The following WWTR1 variants were observed in gnomAD, a reference collection of about 807,000 sequenced individuals.
WWTR1 encodes the protein WW domain containing transcription regulator 1, also known as WW domain-containing transcription regulator protein 1.
Under a neutral mutation model 40.1 loss-of-function variants are expected in WWTR1, and 13 were observed. The ratio of observed to expected loss-of-function variants is 0.32; its 90% confidence interval spans 0.21 to 0.52. The LOEUF is 0.52. Among genes scored for constraint, WWTR1 ranks in the 20% least tolerant of loss-of-function variants. WWTR1 has a pLI of 0.97. For missense variants in WWTR1, 436 were observed against 523.1 expected, an observed-to-expected ratio of 0.83 and a Z score of 1.63; for synonymous variants, 230 against 210.1, an observed-to-expected ratio of 1.09 and a Z score of -0.82.
chr3:149,695,076 G>T (rs1714941797), intron 1 of WWTR1, among the ~76,000 whole-genome samples: 1 of 152,188 alleles, frequency 6.6e-6, no homozygotes, highest in East Asian at 1.9e-4. Flanking sequence ...AACTTTGCAT[G>T]TTCTCAATCA....
chr3:149,556,022 A>T (rs1301769752), intron 3 of WWTR1, among the ~76,000 whole-genome samples: 2 of 152,216 alleles, frequency 1.3e-5, no homozygotes, highest in Non-Finnish European at 2.9e-5. Context: ...TAAGGTGGAA[A>T]CTGTGAGCTT....
At chr3:149,699,292 C>CTTTTTTTT (rs35576449) in intron 1 of WWTR1, among the ~76,000 whole-genome samples, 1 of 131,748 alleles carries the variant, frequency 7.6e-6, no homozygotes. Flanking sequence ...GGTCATCATT[C>CTTTTTTTT]TTTTTTTTTT....
At chr3:149,614,442 A>C (rs1480967147) in intron 2 of WWTR1, among the ~76,000 whole-genome samples, 1 of 152,192 alleles carries the variant, frequency 6.6e-6, no homozygotes, top group Non-Finnish European at 1.5e-5. Flanking sequence ...TATGTGTAGT[A>C]GACTATACTT....
At chr3:149,619,327 A>T (rs1223571237) in intron 2 of WWTR1, among the ~76,000 whole-genome samples, 2 of 152,166 alleles carry the variant, frequency 1.3e-5, no homozygotes, top group Non-Finnish European at 2.9e-5. Flanking sequence ...TAGTATTATT[A>T]AAAAAGGAAC....
intron 1 of WWTR1, among the ~76,000 whole-genome samples, chr3:149,683,577 C>T (rs1247688741): frequency 6.6e-6 from 1 of 152,108 alleles, no homozygotes; most frequent in African/African-American, 2.4e-5. Flanking sequence ...GCCTGTAATC[C>T]CAGCTACTCA....
rs372733013 is a variant in WWTR1 at position 149,534,183 on chromosome 3, AAAAAG to A, written c.772-6219_772-6215del. On this transcript the variant is annotated intron_variant, in intron 4 of 6. Coordinates refer to ENST00000360632, the MANE Select transcript of WWTR1 (RefSeq NM_015472.6). ...AGACTCTGTCTAAAAAAAAAGAAAG[AAAAAG>A]AAAAGAAAAGAAAAGAAAAACGTGT... Among the ~76,000 whole-genome samples the A allele has an allele frequency of 8.6e-4, 131 of 152,278 alleles. 1 individual carries two copies. The highest frequency in any genetic ancestry group is 1.0e-3 in the Non-Finnish European group (71 of 68,028).
intron 1 of WWTR1, among the ~76,000 whole-genome samples, chr3:149,677,779 G>A (rs927255229): frequency 1.3e-5 from 2 of 150,918 alleles, no homozygotes; most frequent in African/African-American, 4.9e-5. Flanking sequence ...AGCAGAGGTT[G>A]CAGTGAGACA....
At chr3:149,607,813 T>A (rs1250205503) in intron 2 of WWTR1, among the ~76,000 whole-genome samples, 1 of 152,160 alleles carries the variant, frequency 6.6e-6, no homozygotes, top group Non-Finnish European at 1.5e-5. Context: ...ACTGTAAAAT[T>A]TCCTCTGGTA....
upstream of WWTR1, chr3:149,660,284 G>A (rs1463808113): frequency 2.0e-5 from 3 of 152,204 alleles, no homozygotes; most frequent in Non-Finnish European, 4.4e-5. Context: ...CTTGAGGCCA[G>A]CCCTACTCTA....
In WWTR1 at chr3:149,699,292, C is replaced by CTTT. The variant is rs35576449; in HGVS notation, c.-108+3829_-108+3831dup. ...CTGCCAGATATTCTAGGTCATCATTCTTTTTTTTTTTTTTTTTTGAGATGG... is the reference window on the plus strand; with the variant it reads ...CTGCCAGATATTCTAGGTCATCATTCTTTTTTTTTTTTTTTTTTTTTGAGATGG... On this transcript the variant is annotated intron_variant, in intron 1 of 7. Coordinates refer to the WWTR1 transcript ENST00000465804. Among the ~76,000 whole-genome samples the CTTT allele has an allele frequency of 1.4e-3, 181 of 131,698 alleles. 1 individual carries two copies. Among genetic ancestry groups the CTTT allele is most frequent in the African/African-American group, 4.8e-3 (168 of 35,192 alleles). 86.4% of individuals were successfully genotyped at this position (131,698 alleles called of 152,430 possible).
intron 1 of WWTR1, among the ~76,000 whole-genome samples, chr3:149,693,463 A>G (rs1456045400): frequency 1.0e-5 from 1 of 96,712 alleles, no homozygotes; most frequent in Admixed American, 1.2e-4. Flanking sequence ...CATTCTTCAC[A>G]TAAACAGAAA....
rs1163632744 is a variant in WWTR1 at position 149,518,643 on chromosome 3, T to C, written c.*2162A>G. The C allele has an allele frequency of 6.6e-6, 1 of 151,996 alleles. No individual in the cohort carries two copies. Among genetic ancestry groups the C allele is most frequent in the Non-Finnish European group, 1.5e-5 (1 of 68,034 alleles). The allele number at this position is 151,996 out of a possible 1,614,324, so 9.4% of individuals were successfully genotyped here. A position where few individuals can be genotyped will look rare whatever the true frequency, so the allele number is the denominator to read the frequency against. On this transcript the variant is annotated 3_prime_UTR_variant, in exon 7 of 7. Coordinates refer to ENST00000360632, the MANE Select transcript of WWTR1 (RefSeq NM_015472.6). ...TAAACCATGGGTCCTTCAGGTAAAA[T>C]AAGTCATTTCATAGTGATGGAGGCA...
chr3:149,580,991 C>T (rs1324173167), intron 2 of WWTR1, among the ~76,000 whole-genome samples: 4 of 152,152 alleles, frequency 2.6e-5, no homozygotes, highest in East Asian at 1.9e-4. Flanking sequence ...AATGTGGAGT[C>T]GGCTTTTGAA....
At chr3:149,700,737 T>C (rs1425758615) in intron 1 of WWTR1, among the ~76,000 whole-genome samples, 2 of 152,172 alleles carry the variant, frequency 1.3e-5, no homozygotes, top group Admixed American at 6.5e-5. Context: ...GATCACAGGC[T>C]GGGGGCCATG....
At chr3:149,576,327 C>A (rs1576573234) in intron 2 of WWTR1, 1 of 324,692 alleles carries the variant, frequency 3.1e-6, no homozygotes, top group East Asian at 7.6e-5. Context: ...TCCAGCTCCC[C>A]CTACTTCCCA....
At chr3:149,693,281 G>A (rs1012119478) in intron 1 of WWTR1, among the ~76,000 whole-genome samples, 2 of 151,572 alleles carry the variant, frequency 1.3e-5, no homozygotes, top group African/African-American at 4.9e-5. Context: ...CGAAAGAAGT[G>A]GTGATCTATA....
At chr3:149,633,915 A>C (rs993743106) in intron 2 of WWTR1, among the ~76,000 whole-genome samples, 2 of 152,220 alleles carry the variant, frequency 1.3e-5, no homozygotes, top group African/African-American at 4.8e-5. Context: ...CTGACAGGAC[A>C]GGACACCAAG....
chr3:149,596,472 T>C lies in WWTR1; in HGVS notation c.432-23472A>G, dbSNP rs540362223. Among the ~76,000 whole-genome samples, 22 of 151,456 alleles carry C rather than the reference T, an allele frequency of 1.5e-4. No homozygotes were observed. In the South Asian group the frequency reaches 4.6e-3, roughly 32 times the overall value. On this transcript the variant is annotated intron_variant, in intron 2 of 6. Transcript: ENST00000360632. ...ACCTGTTCCTCTGTCAGTGCACTGA[T>C]TAAGTTAGAAAAGGTGAGCCCACTT... is the stretch of plus-strand genomic sequence containing the variant.
At chr3:149,651,736 A>C (rs1420428822) in intron 2 of WWTR1, among the ~76,000 whole-genome samples, 1 of 151,888 alleles carries the variant, frequency 6.6e-6, no homozygotes, top group Non-Finnish European at 1.5e-5. Context: ...CTAAAACCAG[A>C]CCCACAGTGC....
Sources: allele counts gnomAD v4.1 joint callset (sites outside exome capture counted in the v4.1 genomes callset), GRCh38; gene constraint gnomAD v4.1.1; transcripts MANE v1.5; gene names NCBI Gene and HGNC (gene_info 2026-07-23, HGNC 2026-07-21).